MRAP2: variants seen among roughly 807,000 people sequenced by gnomAD.
MRAP2 encodes melanocortin 2 receptor accessory protein 2.
A neutral mutation model predicts 17.4 loss-of-function variants in MRAP2; 20 were observed. The observed-to-expected ratio is 1.15, with a 90% CI of 0.81 to 1.67. The LOEUF is 1.67. Among genes scored for constraint, MRAP2 ranks in the 40% most tolerant of loss-of-function variants. The pLI is 0.00. For missense variants in MRAP2, 238 were observed against 240.0 expected (o/e 0.99, Z 0.05); for synonymous variants, 96 against 88.4 (o/e 1.09, Z -0.48).
At chr6:84,099,332 T>G in the MRAP2 span, among the ~76,000 whole-genome samples, 1 of 152,154 alleles carries the variant, frequency 6.6e-6, no homozygotes, top group East Asian at 1.9e-4. Context: ...TTTAAATTTT[T>G]TTTACAATTC....
At chr6:84,035,304 G>A (rs1216121347) in intron 1 of MRAP2, 1 of 446,656 alleles carries the variant, frequency 2.2e-6, no homozygotes, top group African/African-American at 2.1e-5. Context: ...TTAAAAGAGG[G>A]AAACATTGAA....
intron 3 of MRAP2, among the ~76,000 whole-genome samples, chr6:84,069,806 C>G (rs2099495744): frequency 1.3e-5 from 2 of 152,036 alleles, no homozygotes; most frequent in Admixed American, 6.6e-5. Context: ...CTAGTTCTTC[C>G]TGATTTAAGC....
chr6:84,043,049 C>G (rs575869613), intron 1 of MRAP2, among the ~76,000 whole-genome samples: 88 of 152,304 alleles, frequency 5.8e-4, no homozygotes, highest in African/African-American at 2.1e-3. Context: ...ACAAAGTAGT[C>G]TTGTTTGGCA....
At chr6:84,142,638 A>T in the MRAP2 span, among the ~76,000 whole-genome samples, 1 of 152,214 alleles carries the variant, frequency 6.6e-6, no homozygotes, top group Non-Finnish European at 1.5e-5. Flanking sequence ...TAATAAAAAT[A>T]GGCATGACTT....
At chr6:84,079,355 C>G (rs1420276487) in intron 3 of MRAP2, among the ~76,000 whole-genome samples, 1 of 152,070 alleles carries the variant, frequency 6.6e-6, no homozygotes, top group Non-Finnish European at 1.5e-5. Flanking sequence ...CTAACCTAGT[C>G]TGTGGAAATA....
At chr6:84,084,922 T>TTTTAC (rs2099499979) in intron 3 of MRAP2, among the ~76,000 whole-genome samples, 47 of 109,680 alleles carry the variant, frequency 4.3e-4, no homozygotes, top group African/African-American at 1.6e-3. Context: ...TATTTATTTA[T>TTTTAC]TTTATTTTAC....
intron 1 of MRAP2, among the ~76,000 whole-genome samples, chr6:84,046,399 C>T (rs1440027041): frequency 1.3e-5 from 2 of 151,962 alleles, no homozygotes; most frequent in Non-Finnish European, 2.9e-5. Flanking sequence ...ATGAGAAGGA[C>T]CTGAAAGCTT....
intron 1 of MRAP2, among the ~76,000 whole-genome samples, chr6:84,045,485 G>T (rs575320821): frequency 9.9e-5 from 15 of 152,224 alleles, no homozygotes; most frequent in African/African-American, 3.6e-4. Flanking sequence ...CACACAGGCT[G>T]GGCACAGTGG....
At chr6:84,118,306 C>T in the MRAP2 span, among the ~76,000 whole-genome samples, 1 of 152,186 alleles carries the variant, frequency 6.6e-6, no homozygotes, top group Admixed American at 6.5e-5. Context: ...ACCACCTCTG[C>T]CCTGGTCTGC....
At chr6:84,084,640 TA>T (rs1242392134) in intron 3 of MRAP2, among the ~76,000 whole-genome samples, 1 of 152,062 alleles carries the variant, frequency 6.6e-6, no homozygotes, top group Non-Finnish European at 1.5e-5. Flanking sequence ...AGATTCAAAA[TA>T]GGCAGAAAAA....
intron 1 of MRAP2, among the ~76,000 whole-genome samples, chr6:84,034,480 C>T (rs1446966381): frequency 6.8e-6 from 1 of 146,022 alleles, no homozygotes; most frequent in African/African-American, 2.6e-5. Context: ...GCCGCCCCAC[C>T]CCGCAACCCG....
rs778238532 is a variant in MRAP2 at position 84,044,574 on chromosome 6, G to A, written c.-8+10691G>A. On this transcript the variant is annotated intron_variant, in intron 1 of 3. Coordinates refer to ENST00000257776, the MANE Select transcript of MRAP2 (RefSeq NM_138409.4). ...AGGCCTCCCTCCTTGGCTTGTAGCC[G>A]CTGCCCTCTTGTTGCCTCTTCACAC... Among the ~76,000 whole-genome samples the A allele has an allele frequency of 9.9e-5, 15 of 152,212 alleles. No individual in the cohort carries two copies. In the East Asian group the frequency reaches 1.9e-3, roughly 20 times the overall value.
rs190132324 is a variant in MRAP2, at chr6:84,064,730, G to T, written c.227+1738G>T. On this transcript the variant is annotated intron_variant, in intron 3 of 3. Transcript: ENST00000257776. ...TCTCGATCTGCTGACTTCGTGATCC[G>T]CCCGCCTTGGCCTCCCAAAGTGCTG... Among the ~76,000 whole-genome samples, 8 of 152,214 alleles carry T rather than the reference G, an allele frequency of 5.3e-5. No individual in the cohort carries two copies. The South Asian group carries it at 1.2e-3, about 24-fold the overall frequency.
the MRAP2 span, among the ~76,000 whole-genome samples, chr6:84,113,905 G>A: frequency 6.6e-6 from 1 of 152,164 alleles, no homozygotes; most frequent in Non-Finnish European, 1.5e-5. Context: ...TTGAATATTG[G>A]CCCCCAGCCT....
At chr6:84,121,848 C>G in the MRAP2 span, among the ~76,000 whole-genome samples, 16 of 152,082 alleles carry the variant, frequency 1.1e-4, no homozygotes, top group South Asian at 3.3e-3. Context: ...CACAAAAAGA[C>G]AGATCTCAAA....
chr6:84,068,784 C>CT (rs34220070), intron 3 of MRAP2, among the ~76,000 whole-genome samples: 1,611 of 55,194 alleles, frequency 0.029, 50 homozygotes, highest in East Asian at 0.046. Flanking sequence ...TTGCTGAATT[C>CT]TTTTTTTTTT....
chr6:84,113,270 C>T, the MRAP2 span, among the ~76,000 whole-genome samples: 1 of 152,276 alleles, frequency 6.6e-6, no homozygotes, highest in East Asian at 1.9e-4. Flanking sequence ...AATCTTTGTG[C>T]TCTTTTATTG....
At chr6:84,054,712 TTTC>T (rs2099491270) in intron 1 of MRAP2, among the ~76,000 whole-genome samples, 1 of 152,224 alleles carries the variant, frequency 6.6e-6, no homozygotes, top group South Asian at 2.1e-4. Flanking sequence ...CTGAACATTC[TTTC>T]TTCTTACAGA....
the MRAP2 span, among the ~76,000 whole-genome samples, chr6:84,096,080 T>G: frequency 1.3e-5 from 2 of 152,218 alleles, no homozygotes; most frequent in Non-Finnish European, 2.9e-5. Context: ...CTTTTCCACC[T>G]GTTCTCTATG....
Sources: allele counts gnomAD v4.1 joint callset (sites outside exome capture counted in the v4.1 genomes callset), GRCh38; gene constraint gnomAD v4.1.1; transcripts MANE v1.5; gene names NCBI Gene and HGNC (gene_info 2026-07-23, HGNC 2026-07-21).